Variants in EPB41L4B observed in about 807,000 individuals in gnomAD.
EPB41L4B encodes erythrocyte membrane protein band 4.1 like 4B.
In EPB41L4B, 30 loss-of-function variants were observed where a neutral mutation model predicts 112.5. The observed-to-expected ratio is 0.27, with a 90% CI of 0.20 to 0.36. The LOEUF is 0.36. Among genes scored for constraint, EPB41L4B ranks in the 10% least tolerant of loss-of-function variants. EPB41L4B has a pLI of 1.00. For synonymous variants in EPB41L4B, 408 were observed against 439.7 expected, an observed-to-expected ratio of 0.93 and a Z score of 0.90; for missense variants, 1,024 against 1,133.3, an observed-to-expected ratio of 0.90 and a Z score of 1.38.
rs200485739 is a variant in EPB41L4B at position 109,174,617 on chromosome 9, C to A, written c.2640G>T (p.Glu880Asp). The change falls in exon 26 of 26, where the codon GAG becomes GAT. Residue 880 changes from glutamate to aspartate, a missense_variant. Transcript: ENST00000374566. ...CTCTCTCCAGTTCCTGCCGGAGTGT[C>A]TCTGCACTAAAAAAAAGTATGTGAC... Reference protein sequence around the residue: ...RKPVSLAASAETLRQELEREK... With the variant: ...RKPVSLAASADTLRQELEREK... 1.2e-6 allele frequency: 2 copies of A among 1,613,922 alleles called. No homozygotes were observed. The highest frequency in any genetic ancestry group is 1.1e-5 in the South Asian group (1 of 91,046).
chr9:109,239,776 A>T, intron 15 of EPB41L4B: 1 of 972,820 alleles, frequency 1.0e-6, no homozygotes, highest in Non-Finnish European at 1.2e-6. Flanking sequence ...TGGCATACAC[A>T]ATTTCCAGGA....
intron 19 of EPB41L4B, among the ~76,000 whole-genome samples, chr9:109,203,022 C>T (rs766933007): frequency 3.9e-5 from 6 of 152,062 alleles, no homozygotes; most frequent in African/African-American, 4.8e-5. Context: ...GGCACAGTGG[C>T]GTGCACCTGT....
chr9:109,280,196 C>T (rs760311470), intron 1 of EPB41L4B, among the ~76,000 whole-genome samples: 1 of 152,198 alleles, frequency 6.6e-6, no homozygotes, highest in Non-Finnish European at 1.5e-5. Context: ...TGAATACCTA[C>T]ATGGGAAGAT....
At position 109,290,740 on chromosome 9, in the gene EPB41L4B, CAT is replaced by C. The variant is rs1382243448; in HGVS notation, c.307-10821_307-10820del. 5.4e-3 allele frequency among the ~76,000 whole-genome samples: 806 copies of C among 149,128 alleles called. 8 individuals carry two copies. Among genetic ancestry groups the C allele is most frequent in the African/African-American group, 0.018 (738 of 40,546 alleles). On this transcript the variant is annotated intron_variant, in intron 1 of 25. Transcript: ENST00000374566. ...ATATATATATATATACACACACACACATACATATATATACCTCACACACACAC... is the reference window on the plus strand; with the variant it reads ...ATATATATATATATACACACACACACACATATATATACCTCACACACACAC...
chr9:109,286,290 G>A (rs1472320020), intron 1 of EPB41L4B, among the ~76,000 whole-genome samples: 1 of 151,980 alleles, frequency 6.6e-6, no homozygotes, highest in Non-Finnish European at 1.5e-5. Flanking sequence ...GTAAGATCTG[G>A]GGCCAAGAAA....
intron 15 of EPB41L4B, among the ~76,000 whole-genome samples, chr9:109,221,463 G>A (rs577819507): frequency 1.6e-4 from 24 of 152,194 alleles, no homozygotes; most frequent in African/African-American, 5.5e-4. Flanking sequence ...TGAGGGGCTC[G>A]TCTTCCACCC....
intron 15 of EPB41L4B, among the ~76,000 whole-genome samples, chr9:109,235,092 C>T (rs1281276562): frequency 6.6e-6 from 1 of 152,228 alleles, no homozygotes; most frequent in Non-Finnish European, 1.5e-5. Context: ...CAATTCTTTA[C>T]TCTATGCCAA....
intron 1 of EPB41L4B, among the ~76,000 whole-genome samples, chr9:109,306,480 G>A (rs1004194508): frequency 3.9e-5 from 6 of 152,212 alleles, no homozygotes; most frequent in African/African-American, 9.6e-5. Flanking sequence ...CAGGCATGGT[G>A]GTAGGCGCCT....
At chr9:109,295,947 T>G (rs1342114607) in intron 1 of EPB41L4B, among the ~76,000 whole-genome samples, 1 of 152,048 alleles carries the variant, frequency 6.6e-6, no homozygotes, top group African/African-American at 2.4e-5. Flanking sequence ...AACAGTAACA[T>G]GCAATTAAAA....
chr9:109,213,592 T>C, intron 17 of EPB41L4B, 108 bp downstream of exon 17: 2 of 801,336 alleles, frequency 2.5e-6, no homozygotes, highest in South Asian at 1.6e-5. Flanking sequence ...GGAATAGAGA[T>C]CCCTCCAAGG....
At chr9:109,192,566 G>A (rs930503408) in intron 21 of EPB41L4B, among the ~76,000 whole-genome samples, 2 of 152,214 alleles carry the variant, frequency 1.3e-5, no homozygotes, top group Admixed American at 6.5e-5. Context: ...ATGGTGCAGA[G>A]AGCTGTCCCT....
chr9:109,314,227 C>T (rs556645976), intron 1 of EPB41L4B, among the ~76,000 whole-genome samples: 42 of 152,320 alleles, frequency 2.8e-4, no homozygotes, highest in African/African-American at 9.6e-4. Flanking sequence ...GGATGGAACA[C>T]GTGTTTTGAG....
intron 1 of EPB41L4B, among the ~76,000 whole-genome samples, chr9:109,282,399 C>T (rs1039877818): frequency 1.3e-5 from 2 of 152,100 alleles, no homozygotes; most frequent in South Asian, 2.1e-4. Flanking sequence ...CTGTATGACA[C>T]GTGAATCTAA....
intron 8 of EPB41L4B, 33 bp from the exon 9 acceptor site, chr9:109,256,257 G>A (rs369882542): frequency 6.9e-6 from 11 of 1,599,340 alleles, no homozygotes; most frequent in Non-Finnish European, 9.4e-6. Context: ...TCGGTAGAGG[G>A]TTCTAACAGG....
chr9:109,298,787 A>G (rs1836839163), intron 1 of EPB41L4B, among the ~76,000 whole-genome samples: 1 of 152,052 alleles, frequency 6.6e-6, no homozygotes, highest in Non-Finnish European at 1.5e-5. Flanking sequence ...GCTAACCCCA[A>G]TTTTCTCCAG....
intron 2 of EPB41L4B, among the ~76,000 whole-genome samples, chr9:109,271,245 C>G (rs963620305): frequency 2.0e-5 from 3 of 152,232 alleles, no homozygotes; most frequent in Admixed American, 6.5e-5. Context: ...GGGCTCCATC[C>G]TTCCTGCTCA....
At chr9:109,268,169 T>C (rs1835475094) in intron 3 of EPB41L4B, among the ~76,000 whole-genome samples, 1 of 152,242 alleles carries the variant, frequency 6.6e-6, no homozygotes. Flanking sequence ...TGATTTCAAA[T>C]GAGAGCACAG....
chr9:109,193,421 A>G (rs1238672315), intron 21 of EPB41L4B, among the ~76,000 whole-genome samples: 1 of 152,270 alleles, frequency 6.6e-6, no homozygotes, highest in East Asian at 1.9e-4. Context: ...GCAAGATAGC[A>G]GATCTTATTC....
chr9:109,273,001 A>G (rs911070187), intron 2 of EPB41L4B, among the ~76,000 whole-genome samples: 2 of 152,056 alleles, frequency 1.3e-5, no homozygotes, highest in African/African-American at 4.8e-5. Flanking sequence ...ACCACGGACT[A>G]GCCTAAAGTG....
Sources: allele counts gnomAD v4.1 joint callset (sites outside exome capture counted in the v4.1 genomes callset), GRCh38; gene constraint gnomAD v4.1.1; transcripts MANE v1.5; gene names NCBI Gene and HGNC (gene_info 2026-07-23, HGNC 2026-07-21).